Variants in ABTB2 observed in about 807,000 individuals in gnomAD.
The protein encoded by ABTB2 is ankyrin repeat and BTB/POZ domain-containing protein 2.
In ABTB2, 56 loss-of-function variants were observed where a neutral mutation model predicts 104.1. The observed-to-expected ratio is 0.54, with a 90% CI of 0.43 to 0.67. The LOEUF is 0.67. Ranked by LOEUF, ABTB2 falls within the 30% of genes least tolerant of loss-of-function variation. ABTB2 has a pLI of 0.00. For synonymous variants in ABTB2, 606 were observed against 608.2 expected (o/e 1.00, Z 0.05); for missense variants, 1,279 against 1,407.7 (o/e 0.91, Z 1.46).
At chr11:34,189,605 A>G (rs1411897902) in intron 3 of ABTB2, among the ~76,000 whole-genome samples, 1 of 152,184 alleles carries the variant, frequency 6.6e-6, no homozygotes, top group Non-Finnish European at 1.5e-5. Flanking sequence ...TGTCTCAACA[A>G]CAACAACCAC....
intron 1 of ABTB2, among the ~76,000 whole-genome samples, chr11:34,336,752 C>G (rs1855197133): frequency 6.6e-6 from 1 of 152,086 alleles, no homozygotes; most frequent in African/African-American, 2.4e-5. Flanking sequence ...AGGGTTAATG[C>G]TTGCATATGG....
At chr11:34,335,749 C>T (rs1328985808) in intron 1 of ABTB2, 1 of 1,393,666 alleles carries the variant, frequency 7.2e-7, no homozygotes, top group African/African-American at 1.4e-5. Flanking sequence ...TGAAGCAGTC[C>T]CATTGAGGTG....
intron 1 of ABTB2, among the ~76,000 whole-genome samples, chr11:34,325,950 A>AAAAATATAAAATAAAAT (rs1230295117): frequency 3.5e-4 from 41 of 117,960 alleles, no homozygotes; most frequent in Admixed American, 1.3e-3. Flanking sequence ...GACAGTCTCA[A>AAAAATATAAAATAAAAT]AAAATAAAAT....
intron 1 of ABTB2, among the ~76,000 whole-genome samples, chr11:34,337,945 T>C (rs1047583762): frequency 6.6e-6 from 1 of 151,934 alleles, no homozygotes; most frequent in African/African-American, 2.4e-5. Flanking sequence ...GACTGGCCTT[T>C]CCCAAACTGT....
At chr11:34,156,247 C>T (rs1278640097) in intron 14 of ABTB2, among the ~76,000 whole-genome samples, 2 of 152,236 alleles carry the variant, frequency 1.3e-5, no homozygotes, top group Admixed American at 6.5e-5. Flanking sequence ...CAGAACGGCT[C>T]ACCTGGAGCC....
chr11:34,197,277 G>A (rs1028870351), intron 3 of ABTB2, 48 bp downstream of exon 3: 8 of 1,591,012 alleles, frequency 5.0e-6, no homozygotes, highest in South Asian at 2.2e-5. Flanking sequence ...GTCAATGCAC[G>A]TTTGGGAGCA....
chr11:34,338,406 A>G (rs1855218927), intron 1 of ABTB2, among the ~76,000 whole-genome samples: 1 of 151,340 alleles, frequency 6.6e-6, no homozygotes, highest in South Asian at 2.1e-4. Flanking sequence ...AAAAAAATAC[A>G]GATGTTCTGG....
At chr11:34,189,579 T>G (rs1465000567) in intron 3 of ABTB2, among the ~76,000 whole-genome samples, 2 of 152,216 alleles carry the variant, frequency 1.3e-5, no homozygotes, top group Admixed American at 6.5e-5. Context: ...CCACCCTGGG[T>G]GACAGAGTGA....
At chr11:34,244,475 G>A (rs776957904) in intron 1 of ABTB2, among the ~76,000 whole-genome samples, 13 of 152,140 alleles carry the variant, frequency 8.5e-5, no homozygotes, top group African/African-American at 2.4e-4. Flanking sequence ...AATAAAATAC[G>A]CAGAAAAACA....
At chr11:34,273,380 G>A (rs1312823480) in intron 1 of ABTB2, among the ~76,000 whole-genome samples, 2 of 152,220 alleles carry the variant, frequency 1.3e-5, no homozygotes, top group Non-Finnish European at 2.9e-5. Flanking sequence ...GGGTCTCTCT[G>A]TTGGGGAACC....
chr11:34,233,217 T>C (rs928104960), intron 1 of ABTB2, among the ~76,000 whole-genome samples: 1 of 18,826 alleles, frequency 5.3e-5, no homozygotes, highest in Non-Finnish European at 4.3e-4. Context: ...TGAGGATTTT[T>C]CTTTTTATTT....
At chr11:34,289,322 G>C (rs989574874) in intron 1 of ABTB2, among the ~76,000 whole-genome samples, 1 of 152,190 alleles carries the variant, frequency 6.6e-6, no homozygotes, top group Non-Finnish European at 1.5e-5. Flanking sequence ...ATTAATTTCA[G>C]GAGTTCGCCA....
chr11:34,204,973 C>T (rs370637202), intron 1 of ABTB2, among the ~76,000 whole-genome samples: 5 of 152,306 alleles, frequency 3.3e-5, no homozygotes, highest in African/African-American at 1.2e-4. Flanking sequence ...GCTCCTGGAT[C>T]ATAGAAGCAT....
chr11:34,164,314 A>G (rs1843472483), intron 9 of ABTB2, among the ~76,000 whole-genome samples: 1 of 152,206 alleles, frequency 6.6e-6, no homozygotes, highest in South Asian at 2.1e-4. Flanking sequence ...GCTGAGCCGT[A>G]TGCTATTTGG....
At chr11:34,162,187 G>C (rs559359272) in intron 10 of ABTB2, among the ~76,000 whole-genome samples, 1 of 152,360 alleles carries the variant, frequency 6.6e-6, no homozygotes, top group African/African-American at 2.4e-5. Context: ...GACCCAAGGA[G>C]TGCAAGGTCA....
intron 1 of ABTB2, among the ~76,000 whole-genome samples, chr11:34,343,777 A>G (rs1025066315): frequency 1.2e-4 from 19 of 152,088 alleles, no homozygotes; most frequent in African/African-American, 3.4e-4. Context: ...CCTGGCTGAC[A>G]CTTTTATTTT....
At chr11:34,178,198 G>T (rs1590208534) in intron 3 of ABTB2, among the ~76,000 whole-genome samples, 1 of 152,222 alleles carries the variant, frequency 6.6e-6, no homozygotes, top group African/African-American at 2.4e-5. Context: ...CTCTGGGGAG[G>T]GGCTGGTGCC....
At chr11:34,198,828 C>T (rs920305319) in intron 2 of ABTB2, among the ~76,000 whole-genome samples, 34 of 152,228 alleles carry the variant, frequency 2.2e-4, no homozygotes, top group Non-Finnish European at 4.6e-4. Flanking sequence ...CAGGCACCTC[C>T]GCTCTAAGAA....
intron 1 of ABTB2, among the ~76,000 whole-genome samples, chr11:34,315,717 A>G (rs1854919876): frequency 6.6e-6 from 1 of 152,202 alleles, no homozygotes; most frequent in African/African-American, 2.4e-5. Context: ...TGGTAAGTAT[A>G]GTTCTGAAAT....
Sources: allele counts gnomAD v4.1 joint callset (sites outside exome capture counted in the v4.1 genomes callset), GRCh38; gene constraint gnomAD v4.1.1; transcripts MANE v1.5; gene names NCBI Gene and HGNC (gene_info 2026-07-23, HGNC 2026-07-21).